POLR3B: variants seen among roughly 807,000 people sequenced by gnomAD.
The protein encoded by POLR3B is DNA-directed RNA polymerase III subunit RPC2.
POLR3B carries 96 observed loss-of-function variants against 147.4 expected under a neutral mutation model. The observed-to-expected ratio is 0.65, with a 90% CI of 0.55 to 0.77. POLR3B has a LOEUF of 0.77. POLR3B is among the 30% of genes least tolerant of loss of function. The pLI, the probability that POLR3B is intolerant of heterozygous loss-of-function variation, is 0.00. For synonymous variants in POLR3B, 461 were observed against 485.9 expected, an observed-to-expected ratio of 0.95 and a Z score of 0.67; for missense variants, 1,036 against 1,413.5, an observed-to-expected ratio of 0.73 and a Z score of 4.28.
chr12:106,486,902 A>G (rs2038348970), intron 23 of POLR3B, among the ~76,000 whole-genome samples: 2 of 152,218 alleles, frequency 1.3e-5, no homozygotes, highest in African/African-American at 4.8e-5. Flanking sequence ...CAACTTTGAC[A>G]GTTCTCCCAA....
intron 23 of POLR3B, among the ~76,000 whole-genome samples, chr12:106,478,568 C>T (rs2038215845): frequency 6.6e-6 from 1 of 151,768 alleles, no homozygotes; most frequent in Non-Finnish European, 1.5e-5. Flanking sequence ...GCCTAGATTC[C>T]CTTGATAGTC....
At chr12:106,447,500 G>A (rs944672008) in intron 19 of POLR3B, among the ~76,000 whole-genome samples, 8 of 152,176 alleles carry the variant, frequency 5.3e-5, no homozygotes, top group African/African-American at 1.9e-4. Flanking sequence ...GGCTGTGTGT[G>A]TATTGTGACA....
At chr12:106,414,987 G>A (rs772317251) in intron 12 of POLR3B, among the ~76,000 whole-genome samples, 1 of 152,090 alleles carries the variant, frequency 6.6e-6, no homozygotes, top group Non-Finnish European at 1.5e-5. Context: ...GCTGAGCTAC[G>A]AACCTCTATG....
intron 7 of POLR3B, among the ~76,000 whole-genome samples, chr12:106,377,026 G>A (rs532122360): frequency 5.9e-5 from 9 of 151,946 alleles, no homozygotes; most frequent in Admixed American, 5.9e-4. Context: ...CTTTGCCCAC[G>A]AGTTTCTTTT....
At chr12:106,498,633 A>G (rs7979127) in intron 25 of POLR3B, among the ~76,000 whole-genome samples, 123,553 of 151,072 alleles carry the variant, frequency 0.82, 50,964 homozygotes, top group Middle Eastern at 0.9. Context: ...CCAGGCTGGA[A>G]TGCAATGGCG....
At chr12:106,463,011 G>A (rs1650101260) in intron 22 of POLR3B, among the ~76,000 whole-genome samples, 1 of 151,986 alleles carries the variant, frequency 6.6e-6, no homozygotes. Flanking sequence ...TAATTGTTAT[G>A]TGTCCGAAGG....
rs1290525288 is a variant in POLR3B, at chr12:106,366,699, C to T, written c.204C>T (p.Asp68=). 8.7e-6 allele frequency: 14 copies of T among 1,613,018 alleles called. No homozygotes were observed. The highest frequency in any genetic ancestry group is 4.0e-5 in the African/African-American group (3 of 74,908). ...IMKANEKVTS[D]ADPMWYLKYL... is the part of the protein sequence containing the mutation. Reference sequence around the variant, plus strand: ...AAGCCAATGAAAAGGTTACAAGTGACGCTGACCCTATGTGGTACTTAAAGT... The same window carrying T: ...AAGCCAATGAAAAGGTTACAAGTGATGCTGACCCTATGTGGTACTTAAAGT... The change falls in exon 4 of 28, where the codon GAC becomes GAT. Residue 68 remains aspartate, a synonymous_variant. Coordinates refer to ENST00000228347, the MANE Select transcript of POLR3B (RefSeq NM_018082.6).
intron 4 of POLR3B, among the ~76,000 whole-genome samples, chr12:106,368,065 T>C (rs1337456383): frequency 6.6e-6 from 1 of 152,178 alleles, no homozygotes; most frequent in African/African-American, 2.4e-5. Flanking sequence ...ATCATATATA[T>C]ATATCCAGTC....
intron 19 of POLR3B, among the ~76,000 whole-genome samples, chr12:106,453,157 TG>T: frequency 6.6e-6 from 1 of 151,806 alleles, no homozygotes; most frequent in East Asian, 1.9e-4. Flanking sequence ...CCCAAGTAGC[TG>T]GGACTACCAT....
chr12:106,376,777 C>G (rs2036686564), intron 7 of POLR3B, among the ~76,000 whole-genome samples: 1 of 152,230 alleles, frequency 6.6e-6, no homozygotes, highest in South Asian at 2.1e-4. Flanking sequence ...GCCACCATAC[C>G]CAGCTCATTT....
intron 23 of POLR3B, among the ~76,000 whole-genome samples, chr12:106,471,916 G>T (rs1366810353): frequency 1.3e-5 from 2 of 150,678 alleles, no homozygotes; most frequent in Non-Finnish European, 3.0e-5. Context: ...CATTGTGCAG[G>T]TTAGTTACAT....
chr12:106,501,469 A>G (rs2038600205), intron 26 of POLR3B, 33 bp downstream of exon 26: 1 of 1,241,864 alleles, frequency 8.1e-7, no homozygotes, highest in Non-Finnish European at 1.2e-6. Context: ...AAGAATTGAT[A>G]ATGCAGTCAA....
chr12:106,449,782 G>A (rs898070553), intron 19 of POLR3B, among the ~76,000 whole-genome samples: 3 of 152,044 alleles, frequency 2.0e-5, no homozygotes, highest in Non-Finnish European at 2.9e-5. Flanking sequence ...GTGAGCCCTC[G>A]CAGTTCAAAT....
chr12:106,381,175 T>G (rs2036758320), intron 9 of POLR3B, among the ~76,000 whole-genome samples: 1 of 152,206 alleles, frequency 6.6e-6, no homozygotes, highest in South Asian at 2.1e-4. Context: ...AAGGTGGCTG[T>G]GGCATTTTCT....
At chr12:106,364,750 A>T (rs2136880361) in intron 2 of POLR3B, among the ~76,000 whole-genome samples, 1 of 152,398 alleles carries the variant, frequency 6.6e-6, no homozygotes, top group Non-Finnish European at 1.5e-5. Context: ...GTATCTGTGC[A>T]ACAGAGTATT....
chr12:106,408,728 C>T (rs1334857596), intron 11 of POLR3B, among the ~76,000 whole-genome samples: 2 of 152,210 alleles, frequency 1.3e-5, no homozygotes. Flanking sequence ...TAGTATCCCA[C>T]AAAGGAGTAT....
At chr12:106,507,085 A>G (rs2038699976) in intron 27 of POLR3B, among the ~76,000 whole-genome samples, 1 of 152,204 alleles carries the variant, frequency 6.6e-6, no homozygotes, top group South Asian at 2.1e-4. Flanking sequence ...CTAAGGGCAT[A>G]AGTCACAAAA....
At chr12:106,406,600 A>G (rs2037154308) in intron 11 of POLR3B, among the ~76,000 whole-genome samples, 1 of 152,218 alleles carries the variant, frequency 6.6e-6, no homozygotes, top group Admixed American at 6.5e-5. Flanking sequence ...CTTATTGTGA[A>G]GATTCTCTGA....
At chr12:106,457,668 A>G (rs1258553276) in intron 21 of POLR3B, among the ~76,000 whole-genome samples, 2 of 152,246 alleles carry the variant, frequency 1.3e-5, no homozygotes, top group African/African-American at 4.8e-5. Flanking sequence ...TGACTCCATT[A>G]TAATTACAAA....
Sources: allele counts gnomAD v4.1 joint callset (sites outside exome capture counted in the v4.1 genomes callset), GRCh38; gene constraint gnomAD v4.1.1; transcripts MANE v1.5; gene names NCBI Gene and HGNC (gene_info 2026-07-23, HGNC 2026-07-21).